CSMD1: variants seen among roughly 807,000 people sequenced by gnomAD.
The protein encoded by CSMD1 is CUB and sushi domain-containing protein 1.
CSMD1 carries 213 observed loss-of-function variants against 417.5 expected under a neutral mutation model. That is an observed-to-expected ratio of 0.51 (90% CI 0.46 to 0.57). The LOEUF (loss-of-function observed/expected upper bound fraction) is 0.57. Among genes scored for constraint, CSMD1 ranks in the 20% least tolerant of loss-of-function variants. The probability of loss-of-function intolerance (pLI) is 0.00; values close to 1 mark genes in which losing one functional copy is unlikely to be tolerated. For missense variants in CSMD1, 6,923 were observed against 4,529.7 expected, an observed-to-expected ratio of 1.53 and a Z score of -15.17; for synonymous variants, 2,862 against 1,736.8, an observed-to-expected ratio of 1.65 and a Z score of -16.11.
At chr8:3,941,181 T>C (rs1173864501) in intron 5 of CSMD1, among the ~76,000 whole-genome samples, 1 of 152,126 alleles carries the variant, frequency 6.6e-6, no homozygotes, top group East Asian at 1.9e-4. Context: ...TTCAGAATAT[T>C]CAGTAAAATT....
At chr8:3,694,463 G>C (rs190316470) in intron 7 of CSMD1, among the ~76,000 whole-genome samples, 3 of 152,258 alleles carry the variant, frequency 2.0e-5, no homozygotes, top group Admixed American at 6.5e-5. Flanking sequence ...GTCTGGGAAA[G>C]ACGGCCAGGC....
intron 5 of CSMD1, among the ~76,000 whole-genome samples, chr8:3,866,971 T>C (rs1805147825): frequency 6.6e-6 from 1 of 152,204 alleles, no homozygotes; most frequent in African/African-American, 2.4e-5. Flanking sequence ...GAAAAACCAT[T>C]TTGCTTATAC....
At chr8:3,117,899 G>T (rs1222581787) in intron 42 of CSMD1, among the ~76,000 whole-genome samples, 1 of 152,126 alleles carries the variant, frequency 6.6e-6, no homozygotes, top group South Asian at 2.1e-4. Context: ...CCTCCGAGTA[G>T]CAAAATGCTA....
At chr8:3,453,817 G>T (rs1815915802) in intron 12 of CSMD1, among the ~76,000 whole-genome samples, 1 of 152,172 alleles carries the variant, frequency 6.6e-6, no homozygotes, top group African/African-American at 2.4e-5. Context: ...TTCTGTAGAT[G>T]TCTATTAGAT....
intron 46 of CSMD1, among the ~76,000 whole-genome samples, chr8:3,098,005 A>G (rs2129011361): frequency 6.6e-6 from 1 of 152,350 alleles, no homozygotes; most frequent in Middle Eastern, 3.4e-3. Context: ...AGTTTAATCA[A>G]CATAAAAACA....
At chr8:4,078,276 G>C (rs933693323) in intron 3 of CSMD1, among the ~76,000 whole-genome samples, 3 of 150,204 alleles carry the variant, frequency 2.0e-5, no homozygotes, top group Non-Finnish European at 4.4e-5. Context: ...TGATAATGCA[G>C]ACCTAACTGT....
chr8:4,352,681 T>C (rs749895669), intron 3 of CSMD1, among the ~76,000 whole-genome samples: 2 of 152,184 alleles, frequency 1.3e-5, no homozygotes, highest in Non-Finnish European at 2.9e-5. Flanking sequence ...TATAAAAACG[T>C]ATGCATTTTA....
chr8:3,518,199 T>G (rs748674666), intron 10 of CSMD1, among the ~76,000 whole-genome samples: 2 of 152,208 alleles, frequency 1.3e-5, no homozygotes, highest in African/African-American at 2.4e-5. Context: ...TATGGACCAA[T>G]GATTACTTAT....
chr8:3,672,828 G>C (rs533539395), intron 7 of CSMD1, among the ~76,000 whole-genome samples: 2 of 152,282 alleles, frequency 1.3e-5, no homozygotes, highest in Admixed American at 6.5e-5. Flanking sequence ...ACATTACCAT[G>C]GGCAATAGAC....
intron 3 of CSMD1, among the ~76,000 whole-genome samples, chr8:4,298,031 T>C (rs970320346): frequency 2.6e-5 from 4 of 152,174 alleles, no homozygotes; most frequent in African/African-American, 9.7e-5. Context: ...AAATTGATTT[T>C]ATATTGAACT....
At chr8:3,356,822 T>A (rs1442400) in intron 21 of CSMD1, among the ~76,000 whole-genome samples, 2 of 152,218 alleles carry the variant, frequency 1.3e-5, no homozygotes, top group African/African-American at 4.8e-5. Context: ...CTGGGTGCAC[T>A]CTGGAGAGCC....
At chr8:4,083,463 A>C (rs915016644) in intron 3 of CSMD1, among the ~76,000 whole-genome samples, 8 of 152,182 alleles carry the variant, frequency 5.3e-5, no homozygotes, top group Non-Finnish European at 1.2e-4. Flanking sequence ...ACAGTAACCA[A>C]AACAGCATGG....
At chr8:3,444,170 A>T (rs780576939) in intron 12 of CSMD1, among the ~76,000 whole-genome samples, 1 of 152,190 alleles carries the variant, frequency 6.6e-6, no homozygotes, top group Non-Finnish European at 1.5e-5. Context: ...TGTCCAGATC[A>T]TAATGTTGAA....
intron 7 of CSMD1, among the ~76,000 whole-genome samples, chr8:3,629,135 G>C (rs895757843): frequency 6.6e-6 from 1 of 152,156 alleles, no homozygotes; most frequent in African/African-American, 2.4e-5. Flanking sequence ...CATGACGTGA[G>C]CAAAGACAGA....
intron 22 of CSMD1, among the ~76,000 whole-genome samples, chr8:3,345,218 A>T (rs538520724): frequency 4.6e-5 from 7 of 152,306 alleles, no homozygotes; most frequent in Admixed American, 2.0e-4. Context: ...TGTCCTCATG[A>T]GGACTTGACC....
intron 5 of CSMD1, among the ~76,000 whole-genome samples, chr8:3,776,190 G>A (rs961374058): frequency 2.0e-5 from 3 of 152,118 alleles, no homozygotes; most frequent in Non-Finnish European, 4.4e-5. Flanking sequence ...ATCCATGTCT[G>A]ACCATCTCAG....
At chr8:4,795,648 G>A (rs947034265) in intron 1 of CSMD1, among the ~76,000 whole-genome samples, 2 of 151,994 alleles carry the variant, frequency 1.3e-5, no homozygotes, top group African/African-American at 2.4e-5. Context: ...GGAATTTCTA[G>A]GATAAATGAG....
At chr8:3,064,179 A>G (rs1192826631) in intron 49 of CSMD1, among the ~76,000 whole-genome samples, 1 of 152,242 alleles carries the variant, frequency 6.6e-6, no homozygotes, top group Non-Finnish European at 1.5e-5. Context: ...AAGGCCTGAT[A>G]AATTCTCAAA....
intron 26 of CSMD1, among the ~76,000 whole-genome samples, chr8:3,280,887 G>A (rs1439078959): frequency 2.0e-5 from 3 of 152,054 alleles, no homozygotes; most frequent in Non-Finnish European, 4.4e-5. Flanking sequence ...GATGTTCTCT[G>A]AAGAGAGAAT....
Sources: gnomAD v4.1 joint callset for allele counts (sites outside exome capture counted in the v4.1 genomes callset) on GRCh38, gnomAD v4.1.1 for gene constraint, MANE v1.5 for transcripts, NCBI Gene and HGNC (gene_info 2026-07-23, HGNC 2026-07-21) for gene names.